Variants in CYTIP observed in about 807,000 individuals in gnomAD.
CYTIP encodes the protein cytohesin-interacting protein.
Under a neutral mutation model 43.8 loss-of-function variants are expected in CYTIP, and 26 were observed. The observed-to-expected ratio is 0.59, with a 90% CI of 0.44 to 0.82. CYTIP has a LOEUF of 0.82. Among genes scored for constraint, CYTIP ranks in the 40% least tolerant of loss-of-function variants. The pLI is 0.00. For missense variants in CYTIP, 426 were observed against 443.1 expected, an observed-to-expected ratio of 0.96 and a Z score of 0.35; for synonymous variants, 162 against 162.9, an observed-to-expected ratio of 0.99 and a Z score of 0.04.
chr2:157,415,718 C>G lies in CYTIP; in HGVS notation c.1039G>C (p.Gly347Arg). ...VRKQLLKFIPGLHRAVEEEES... is the reference protein window; with the variant it reads ...VRKQLLKFIPRLHRAVEEEES... ...TCCTCTTCCACAGCACGATGAAGGC[C>G]AGGGATAAATTTCAAGAGTTGCTTT... Residue 347 changes from glycine to arginine, a missense_variant, in exon 8 of 8, where the codon GGC becomes CGC. Coordinates refer to ENST00000264192, the MANE Select transcript of CYTIP (RefSeq NM_004288.5). The G allele has an allele frequency of 1.2e-6, 2 of 1,613,580 alleles. No homozygotes were observed. The highest frequency in any genetic ancestry group is 2.2e-5 in the South Asian group (2 of 91,018).
chr2:157,441,410 T>G (rs1288674102), intron 1 of CYTIP, among the ~76,000 whole-genome samples: 8 of 152,192 alleles, frequency 5.3e-5, no homozygotes. Context: ...CAAGAAGTTT[T>G]GTTTTGCTAT....
chr2:157,422,396 G>A (rs543460533), intron 6 of CYTIP, among the ~76,000 whole-genome samples: 42 of 152,226 alleles, frequency 2.8e-4, no homozygotes, highest in African/African-American at 8.9e-4. Context: ...GGCCAGGTGC[G>A]GTGACTCACA....
intron 7 of CYTIP, among the ~76,000 whole-genome samples, chr2:157,417,987 G>T (rs960774452): frequency 2.0e-5 from 3 of 152,096 alleles, no homozygotes; most frequent in Non-Finnish European, 4.4e-5. Context: ...CCTTAAAAAT[G>T]CACTCAATGG....
intron 7 of CYTIP, among the ~76,000 whole-genome samples, chr2:157,417,423 T>C (rs1488886905): frequency 3.3e-5 from 5 of 152,194 alleles, no homozygotes; most frequent in African/African-American, 1.2e-4. Context: ...ATGTTGTCTA[T>C]ACAAGGCTGT....
rs190499907 is a variant in CYTIP at position 157,418,723 on chromosome 2, T to C, written c.547-134A>G. ...TTTCTAGTACTACCATTCCATCTCA[T>C]CCATTTAAAATATTTTTGCTGTATA... On this transcript the variant is annotated intron_variant, in intron 6 of 7. Coordinates refer to ENST00000264192, the MANE Select transcript of CYTIP (RefSeq NM_004288.5). 111 of 692,940 alleles carry C rather than the reference T, an allele frequency of 1.6e-4. No homozygotes were observed. The African/African-American group carries it at 1.9e-3, about 12-fold the overall frequency. The allele number at this position is 692,940 out of a possible 1,614,324, so 42.9% of individuals were successfully genotyped here.
At chr2:157,425,586 CTT>C (rs1279481815) in intron 6 of CYTIP, among the ~76,000 whole-genome samples, 1 of 152,106 alleles carries the variant, frequency 6.6e-6, no homozygotes, top group African/African-American at 2.4e-5. Context: ...TACATTAAAA[CTT>C]AAGGCAAAAA....
intron 7 of CYTIP, among the ~76,000 whole-genome samples, chr2:157,417,540 G>A (rs1373118140): frequency 5.3e-5 from 8 of 152,058 alleles, no homozygotes; most frequent in African/African-American, 1.9e-4. Flanking sequence ...GGAGGTGGCT[G>A]AATTTACAAG....
chr2:157,434,345 T>C (rs1184510354), intron 3 of CYTIP, 25 bp downstream of exon 3: 2 of 1,594,330 alleles, frequency 1.3e-6, no homozygotes, highest in South Asian at 1.1e-5. Context: ...TCCTTGGAAG[T>C]CTAGAAAATG....
intron 1 of CYTIP, among the ~76,000 whole-genome samples, chr2:157,435,283 T>A (rs1259443014): frequency 1.3e-5 from 2 of 152,146 alleles, no homozygotes; most frequent in Non-Finnish European, 2.9e-5. Flanking sequence ...CTATAATAAT[T>A]CAATACGTTA....
At chr2:157,434,584 G>C (rs756423853) in intron 2 of CYTIP, 114 bp downstream of exon 2, 35 of 799,938 alleles carry the variant, frequency 4.4e-5, no homozygotes, top group Non-Finnish European at 7.0e-5. Context: ...GTGTGCGTCT[G>C]TGTGTGTGCG....
chr2:157,438,906 T>C (rs1360517861), intron 1 of CYTIP: 3 of 394,758 alleles, frequency 7.6e-6, no homozygotes, highest in Non-Finnish European at 1.6e-5. Context: ...CGGAAATCAG[T>C]GCATCTATTA....
chr2:157,434,492 C>T, intron 2 of CYTIP, 68 bp from the exon 3 acceptor site: 6 of 1,237,654 alleles, frequency 4.8e-6, no homozygotes, highest in Non-Finnish European at 7.0e-6. Context: ...ACAGATCTAT[C>T]ATTAAAAATA....
chr2:157,427,336 A>C lies in CYTIP; in HGVS notation c.546+15T>G. ...AAGGATGAAAAATGTGCCTCACTGC[A>C]TTAAATTAAATTACCTTTAAAACCT... On this transcript the variant is annotated intron_variant, in intron 6 of 7. Transcript: ENST00000264192. The C allele has an allele frequency of 6.3e-7, 1 of 1,597,460 alleles. No individual in the cohort carries two copies. Among genetic ancestry groups the C allele is most frequent in the Non-Finnish European group, 8.5e-7 (1 of 1,172,932 alleles).
At chr2:157,417,605 C>T (rs866197554) in intron 7 of CYTIP, among the ~76,000 whole-genome samples, 2 of 151,788 alleles carry the variant, frequency 1.3e-5, no homozygotes, top group African/African-American at 4.8e-5. Flanking sequence ...AACTTCACTA[C>T]CCAAAAGAAC....
chr2:157,429,778 C>T (rs888246024), intron 5 of CYTIP, among the ~76,000 whole-genome samples: 1 of 152,074 alleles, frequency 6.6e-6, no homozygotes, highest in Non-Finnish European at 1.5e-5. Flanking sequence ...AATCCCAGCA[C>T]TTTGGGAGGC....
At chr2:157,422,342 G>A (rs1685534264) in intron 6 of CYTIP, among the ~76,000 whole-genome samples, 1 of 152,166 alleles carries the variant, frequency 6.6e-6, no homozygotes, top group Non-Finnish European at 1.5e-5. Context: ...GATAATTTGT[G>A]CATAGATTGT....
chr2:157,434,360 A>T lies in CYTIP; in HGVS notation c.279+10T>A. On this transcript the variant is annotated intron_variant, in intron 3 of 7. Transcript: ENST00000264192. ...TCCTTGGAAGTCTAGAAAATGTGAA[A>T]ATTGCCCACCTGAATTTCAAATCCA... 2 of 1,610,076 alleles carry T rather than the reference A, an allele frequency of 1.2e-6. No individual in the cohort carries two copies. Among genetic ancestry groups the T allele is most frequent in the Non-Finnish European group, 1.7e-6 (2 of 1,176,480 alleles).
chr2:157,438,926 A>ATT (rs1685859232), intron 1 of CYTIP: 3 of 425,040 alleles, frequency 7.1e-6, no homozygotes, highest in Admixed American at 2.6e-5. Flanking sequence ...AGGAACTTCA[A>ATT]GATTTCATCC....
At chr2:157,431,585 G>C (rs1374271363) in intron 3 of CYTIP, among the ~76,000 whole-genome samples, 1 of 152,092 alleles carries the variant, frequency 6.6e-6, no homozygotes, top group Non-Finnish European at 1.5e-5. Context: ...GCCTCAATTA[G>C]GCACAAGTAG....
Sources: gnomAD v4.1 joint callset for allele counts (sites outside exome capture counted in the v4.1 genomes callset) on GRCh38, gnomAD v4.1.1 for gene constraint, MANE v1.5 for transcripts, NCBI Gene and HGNC (gene_info 2026-07-23, HGNC 2026-07-21) for gene names.